Variants in INPP4B observed in about 807,000 individuals in gnomAD.
INPP4B encodes inositol polyphosphate 4-phosphatase type II.
A neutral mutation model predicts 122.5 loss-of-function variants in INPP4B; 55 were observed. The observed-to-expected ratio is 0.45, with a 90% confidence interval of 0.36 to 0.56. The LOEUF is 0.56. Ranked by LOEUF, INPP4B falls within the 20% of genes least tolerant of loss-of-function variation. INPP4B has a pLI of 0.00. For synonymous variants in INPP4B, 403 were observed against 388.7 expected (o/e 1.04, Z -0.43); for missense variants, 1,000 against 1,097.7 (o/e 0.91, Z 1.26).
chr4:142,027,917 T>TAA lies in INPP4B; in HGVS notation c.*863_*864dup, dbSNP rs1737527764. ...TGCATGCTTACACCAGGATGACTGC[T>TAA]AAGAAACATCTCAGAGATACCTCAC... On this transcript the variant is annotated 3_prime_UTR_variant, in exon 26 of 26. Coordinates refer to ENST00000262992, the MANE Select transcript of INPP4B (RefSeq NM_001101669.3). 1 of 183,338 alleles carries TAA rather than the reference T, an allele frequency of 5.5e-6. No homozygotes were observed. Among genetic ancestry groups the TAA allele is most frequent in the Admixed American group, 6.3e-5 (1 of 15,996 alleles). The allele number at this position is 183,338 out of a possible 1,614,324, so 11.4% of individuals were successfully genotyped here.
At chr4:142,649,064 T>C (rs958236872) in intron 2 of INPP4B, among the ~76,000 whole-genome samples, 2 of 152,200 alleles carry the variant, frequency 1.3e-5, no homozygotes, top group Non-Finnish European at 2.9e-5. Flanking sequence ...CTGCTGGTGA[T>C]ACCCAGGCAA....
At chr4:142,073,272 T>G (rs1206750493) in intron 25 of INPP4B, among the ~76,000 whole-genome samples, 2 of 152,190 alleles carry the variant, frequency 1.3e-5, no homozygotes, top group African/African-American at 2.4e-5. Context: ...TTTTTGCTCA[T>G]AGGGCTTTAG....
chr4:142,198,545 A>G (rs1839357528), intron 14 of INPP4B, among the ~76,000 whole-genome samples: 1 of 151,524 alleles, frequency 6.6e-6, no homozygotes, highest in Non-Finnish European at 1.5e-5. Context: ...TAAAAAAAAA[A>G]TCCTTCCACA....
chr4:142,810,719 A>G (rs1779402870), intron 1 of INPP4B, among the ~76,000 whole-genome samples: 1 of 152,194 alleles, frequency 6.6e-6, no homozygotes, highest in African/African-American at 2.4e-5. Context: ...GTATGCTCAT[A>G]CTGTAGGTAT....
intron 7 of INPP4B, among the ~76,000 whole-genome samples, chr4:142,337,765 TTA>T (rs199670603): frequency 0.21 from 29,530 of 139,188 alleles, 4,143 homozygotes; most frequent in East Asian, 0.46. Flanking sequence ...TATATATATT[TTA>T]TATATATATT....
intron 2 of INPP4B, among the ~76,000 whole-genome samples, chr4:142,472,805 G>T (rs1246983680): frequency 1.3e-5 from 2 of 152,152 alleles, no homozygotes; most frequent in African/African-American, 2.4e-5. Flanking sequence ...AAACTTGCAT[G>T]AGGTCATAGT....
At chr4:142,166,818 G>A (rs562281541) in intron 16 of INPP4B, among the ~76,000 whole-genome samples, 2 of 152,008 alleles carry the variant, frequency 1.3e-5, no homozygotes, top group East Asian at 1.9e-4. Flanking sequence ...TTAGAGAAAT[G>A]CAAGTCAAAA....
At chr4:142,603,395 A>G (rs1350886846) in intron 2 of INPP4B, among the ~76,000 whole-genome samples, 1 of 152,154 alleles carries the variant, frequency 6.6e-6, no homozygotes, top group Non-Finnish European at 1.5e-5. Flanking sequence ...TAAAAGTTGA[A>G]AAAAAGAAAA....
At chr4:142,626,751 T>C (rs1746511998) in intron 2 of INPP4B, among the ~76,000 whole-genome samples, 1 of 152,066 alleles carries the variant, frequency 6.6e-6, no homozygotes, top group Non-Finnish European at 1.5e-5. Context: ...ATATTCACTC[T>C]GTCTTTCTAC....
chr4:142,785,213 C>T (rs533973827), intron 1 of INPP4B, among the ~76,000 whole-genome samples: 84 of 152,154 alleles, frequency 5.5e-4, no homozygotes, highest in African/African-American at 1.9e-3. Context: ...CAGCTAAGTT[C>T]CTTGTCAGAA....
chr4:142,678,037 G>C (rs559754961), intron 2 of INPP4B, among the ~76,000 whole-genome samples: 1 of 151,746 alleles, frequency 6.6e-6, no homozygotes, highest in Admixed American at 6.6e-5. Flanking sequence ...AAAAGGTGTA[G>C]AACATATGAG....
At chr4:142,841,023 G>A (rs1783414869) in intron 1 of INPP4B, among the ~76,000 whole-genome samples, 1 of 151,938 alleles carries the variant, frequency 6.6e-6, no homozygotes, top group Non-Finnish European at 1.5e-5. Context: ...TGTTAAGGAA[G>A]ACAAGAAATT....
intron 1 of INPP4B, among the ~76,000 whole-genome samples, chr4:142,833,748 G>C (rs1782448478): frequency 6.6e-6 from 1 of 151,900 alleles, no homozygotes; most frequent in Non-Finnish European, 1.5e-5. Flanking sequence ...ATGCAAGTTT[G>C]TTCAGTTGCA....
chr4:142,092,930 C>T (rs187939468), intron 23 of INPP4B, among the ~76,000 whole-genome samples: 3 of 152,180 alleles, frequency 2.0e-5, no homozygotes, highest in South Asian at 2.1e-4. Context: ...TATTGAAAGA[C>T]GTGGAATGTA....
intron 2 of INPP4B, among the ~76,000 whole-genome samples, chr4:142,720,398 G>A (rs965438615): frequency 6.6e-6 from 1 of 151,828 alleles, no homozygotes; most frequent in African/African-American, 2.4e-5. Context: ...AATATAGAGA[G>A]CTATCCCTCA....
chr4:142,314,008 G>A (rs998423031), intron 8 of INPP4B, among the ~76,000 whole-genome samples: 4 of 152,118 alleles, frequency 2.6e-5, no homozygotes, highest in African/African-American at 9.7e-5. Flanking sequence ...GGATTTCAGG[G>A]TATTTCAAAT....
intron 1 of INPP4B, among the ~76,000 whole-genome samples, chr4:142,810,118 C>G (rs1038646625): frequency 6.8e-6 from 1 of 146,030 alleles, no homozygotes; most frequent in Non-Finnish European, 1.5e-5. Flanking sequence ...TGCAGTGAGC[C>G]GAGATCGCGC....
intron 15 of INPP4B, among the ~76,000 whole-genome samples, chr4:142,188,348 A>G (rs959605000): frequency 6.6e-6 from 1 of 151,214 alleles, no homozygotes; most frequent in Non-Finnish European, 1.5e-5. Context: ...TTAGCCAGGC[A>G]TGGTGGCGGG....
intron 11 of INPP4B, among the ~76,000 whole-genome samples, chr4:142,241,741 AC>A (rs1204794380): frequency 6.6e-6 from 1 of 152,214 alleles, no homozygotes; most frequent in Non-Finnish European, 1.5e-5. Flanking sequence ...GTTTCTGTAA[AC>A]AAAGGTATGC....
Sources: allele counts gnomAD v4.1 joint callset (sites outside exome capture counted in the v4.1 genomes callset), GRCh38; gene constraint gnomAD v4.1.1; transcripts MANE v1.5; gene names NCBI Gene and HGNC (gene_info 2026-07-23, HGNC 2026-07-21).